The following GSG1L variants were observed in gnomAD, a reference collection of about 807,000 sequenced individuals.
GSG1L encodes germ cell-specific gene 1-like protein.
In GSG1L, 24 loss-of-function variants were observed where a neutral mutation model predicts 42.1. The ratio of observed to expected loss-of-function variants is 0.57; its 90% CI spans 0.41 to 0.80. GSG1L has a LOEUF of 0.80. Among genes scored for constraint, GSG1L ranks in the 30% least tolerant of loss-of-function variants. The probability of loss-of-function intolerance (pLI) is 0.00; values close to 1 mark genes in which losing one functional copy is unlikely to be tolerated. For missense variants in GSG1L, 445 were observed against 472.2 expected (o/e 0.94, Z 0.53); for synonymous variants, 215 against 203.5 (o/e 1.06, Z -0.48).
intron 5 of GSG1L, among the ~76,000 whole-genome samples, chr16:27,818,306 G>C (rs1295433425): frequency 1.3e-5 from 2 of 152,140 alleles, no homozygotes; most frequent in Non-Finnish European, 1.5e-5. Flanking sequence ...CCTTTCAGAT[G>C]TTCCTCCCAC....
At chr16:27,989,751 C>A (rs4787440) in intron 1 of GSG1L, among the ~76,000 whole-genome samples, 117,810 of 149,174 alleles carry the variant, frequency 0.79, 46,729 homozygotes, top group South Asian at 0.88. Flanking sequence ...AAAAAAAAAA[C>A]AACAAACAAT....
At chr16:27,794,514 G>A (rs941660991) in intron 6 of GSG1L, among the ~76,000 whole-genome samples, 5 of 151,802 alleles carry the variant, frequency 3.3e-5, no homozygotes, top group Admixed American at 2.6e-4. Flanking sequence ...TGTACTTTTA[G>A]TAGAGACAGG....
At position 27,963,441 on chromosome 16, in the gene GSG1L, T is replaced by C. The variant is rs538744938; in HGVS notation, c.350-238A>G. 3.3e-5 allele frequency among the ~76,000 whole-genome samples: 5 copies of C among 152,168 alleles called. No homozygotes were observed. The East Asian group carries it at 7.7e-4, about 24-fold the overall frequency. On this transcript the variant is annotated intron_variant, in intron 1 of 6. Coordinates refer to ENST00000447459, the MANE Select transcript of GSG1L (RefSeq NM_001109763.2). ...TGGCCCATCGCTTCCACCTCCACGATAGCAACCTTGTCCCTTTCCACAGCC... is the reference window on the plus strand; with the variant it reads ...TGGCCCATCGCTTCCACCTCCACGACAGCAACCTTGTCCCTTTCCACAGCC...
chr16:27,916,507 G>C (rs929080706), intron 2 of GSG1L, among the ~76,000 whole-genome samples: 1 of 127,522 alleles, frequency 7.8e-6, no homozygotes, highest in African/African-American at 3.1e-5. Flanking sequence ...TTTTTTTGTA[G>C]AGATGAGTTC....
At chr16:27,908,092 G>T (rs537213671) in intron 2 of GSG1L, among the ~76,000 whole-genome samples, 7 of 152,178 alleles carry the variant, frequency 4.6e-5, no homozygotes, top group Non-Finnish European at 8.8e-5. Flanking sequence ...GACTTGCTTT[G>T]GCCAATGGGA....
At chr16:27,946,611 G>GAA (rs2084868836) in intron 2 of GSG1L, among the ~76,000 whole-genome samples, 4 of 8,286 alleles carry the variant, frequency 4.8e-4, no homozygotes, top group African/African-American at 1.5e-3. Flanking sequence ...GAGAGAGAGA[G>GAA]AGAGAGAGAG....
chr16:27,964,338 AAT>A (rs1221926802), intron 1 of GSG1L, among the ~76,000 whole-genome samples: 4 of 152,182 alleles, frequency 2.6e-5, no homozygotes, highest in Non-Finnish European at 5.9e-5. Context: ...AAAAAAAAAA[AAT>A]GTGCATATCA....
At chr16:28,003,665 T>C (rs2085605396) in intron 1 of GSG1L, among the ~76,000 whole-genome samples, 1 of 152,200 alleles carries the variant, frequency 6.6e-6, no homozygotes, top group Non-Finnish European at 1.5e-5. Context: ...CGGCCAGGTC[T>C]CTCCAAAGTG....
chr16:27,974,753 G>A (rs1002060703), intron 1 of GSG1L, among the ~76,000 whole-genome samples: 3 of 152,152 alleles, frequency 2.0e-5, no homozygotes, highest in East Asian at 1.9e-4. Flanking sequence ...TGACTGAGGC[G>A]AGCCTGTGGG....
chr16:27,812,849 T>G (rs551233936), intron 5 of GSG1L, among the ~76,000 whole-genome samples: 1 of 152,206 alleles, frequency 6.6e-6, no homozygotes, highest in South Asian at 2.1e-4. Flanking sequence ...AGTGAAGTGG[T>G]GCGATCTCAG....
chr16:27,947,593 GAAA>G (rs1567530959), intron 2 of GSG1L, among the ~76,000 whole-genome samples: 2,305 of 113,850 alleles, frequency 0.02, 92 homozygotes, highest in African/African-American at 0.076. Flanking sequence ...AAGAAAGAAA[GAAA>G]GAAAAAGAAA....
At chr16:28,038,689 C>G (rs934082769) in intron 1 of GSG1L, among the ~76,000 whole-genome samples, 16 of 152,220 alleles carry the variant, frequency 1.1e-4, no homozygotes, top group African/African-American at 3.9e-4. Context: ...CCAGAGAGAG[C>G]AGACTGCAGG....
At chr16:27,981,675 T>C (rs1009181181) in intron 1 of GSG1L, among the ~76,000 whole-genome samples, 1 of 152,182 alleles carries the variant, frequency 6.6e-6, no homozygotes, top group Non-Finnish European at 1.5e-5. Flanking sequence ...TAATCGTTTC[T>C]ACAAATGGAT....
chr16:27,789,340 T>C lies in GSG1L; in HGVS notation c.*2030A>G, dbSNP rs2082725966. ...ATGGAGGGATGAATGGATGTGTGGA[T>C]GACGGATAATGGATGGATGGATGGT... On this transcript the variant is annotated 3_prime_UTR_variant, in exon 7 of 7. Coordinates refer to ENST00000447459, the MANE Select transcript of GSG1L (RefSeq NM_001109763.2). 6.7e-6 allele frequency: 1 copy of C among 149,612 alleles called. No individual in the cohort carries two copies. Among genetic ancestry groups the C allele is most frequent in the African/African-American group, 2.5e-5 (1 of 40,644 alleles). 9.3% of individuals were successfully genotyped at this position (149,612 alleles called of 1,614,324 possible).
chr16:27,884,542 T>C lies in GSG1L; in HGVS notation c.494A>G (p.Asn165Ser), dbSNP rs762448368. The C allele has an allele frequency of 1.2e-5, 20 of 1,613,902 alleles. No homozygotes were observed. Among genetic ancestry groups the C allele is most frequent in the East Asian group, 8.9e-5 (4 of 44,876 alleles). The change falls in exon 3 of 7, where the codon AAT becomes AGT. Residue 165 changes from asparagine to serine, a missense_variant. Around this residue, in one of 3 missense-constraint regions of GSG1L, gnomAD observed 149 missense variants for 223.3 expected, o/e 0.67. Coordinates refer to ENST00000447459, the MANE Select transcript of GSG1L (RefSeq NM_001109763.2). The surrounding 1 kb of genome is among the most constrained non-coding windows in gnomAD (Gnocchi z 4.4). ...LMCLELFHSS[N>S]VIDGLKLNAF... Reference sequence around the variant, plus strand: ...ATTGAGCTTGAGCCCGTCGATGACATTGCTGGAGTGGAAGAGCTCGAGACA... The same window carrying C: ...ATTGAGCTTGAGCCCGTCGATGACACTGCTGGAGTGGAAGAGCTCGAGACA...
At chr16:28,012,577 T>C (rs2085733142) in intron 1 of GSG1L, among the ~76,000 whole-genome samples, 1 of 85,416 alleles carries the variant, frequency 1.2e-5, no homozygotes. Flanking sequence ...TGAAATGAAA[T>C]TTTATACAAA....
At chr16:27,983,899 C>T (rs2141128185) in intron 1 of GSG1L, among the ~76,000 whole-genome samples, 2 of 152,166 alleles carry the variant, frequency 1.3e-5, no homozygotes, top group Middle Eastern at 3.4e-3. Flanking sequence ...AGTGAAATTG[C>T]CATGATGAAC....
intron 3 of GSG1L, among the ~76,000 whole-genome samples, chr16:27,869,875 ATCTCTCTGTCTCTGTCTCCCTCCATC>A (rs1335050002): frequency 0.12 from 2,948 of 24,598 alleles, 106 homozygotes; most frequent in Non-Finnish European, 0.17. Context: ...GTCTCCCTCC[ATCTCTCTGTCTCTGTCTCCCTCCATC>A]TCTCTCTGTC....
chr16:27,936,161 CA>C (rs1469177014), intron 2 of GSG1L, among the ~76,000 whole-genome samples: 1 of 151,960 alleles, frequency 6.6e-6, no homozygotes, highest in Non-Finnish European at 1.5e-5. Context: ...TGGTCAGACT[CA>C]CAGCATCCTT....
Sources: allele counts gnomAD v4.1 joint callset (sites outside exome capture counted in the v4.1 genomes callset), GRCh38; gene constraint gnomAD v4.1.1; regional missense constraint gnomAD v4.1.1; non-coding constraint Gnocchi (gnomAD v3.1); transcripts MANE v1.5; gene names NCBI Gene and HGNC (gene_info 2026-07-23, HGNC 2026-07-21).